Variants in PDZD2 observed in about 807,000 individuals in gnomAD.
The protein encoded by PDZD2 is PDZ domain-containing protein 2.
A neutral mutation model predicts 220.7 loss-of-function variants in PDZD2; 90 were observed. That is an observed-to-expected ratio of 0.41 (90% CI 0.34 to 0.49). The LOEUF (loss-of-function observed/expected upper bound fraction) is 0.49. PDZD2 is among the 20% of genes least tolerant of loss of function. PDZD2 has a pLI of 0.28. For synonymous variants in PDZD2, 1,375 were observed against 1,450.5 expected, an observed-to-expected ratio of 0.95 and a Z score of 1.18; for missense variants, 3,174 against 3,608.5, an observed-to-expected ratio of 0.88 and a Z score of 3.08.
chr5:32,099,945 C>G (rs1486034144), intron 23 of PDZD2: 1 of 152,294 alleles, frequency 6.6e-6, no homozygotes, highest in Non-Finnish European at 1.5e-5. Context: ...CTGACAGCGT[C>G]CAGCTGGGGG....
intron 19 of PDZD2, chr5:32,077,863 A>G (rs2112421456): frequency 5.2e-6 from 2 of 387,830 alleles, no homozygotes; most frequent in Non-Finnish European, 9.8e-6. Flanking sequence ...AGGCTGAGGC[A>G]GGAGAATCGC....
intron 2 of PDZD2, among the ~76,000 whole-genome samples, chr5:31,911,930 TCA>T (rs558771171): frequency 7.6e-4 from 116 of 152,226 alleles, no homozygotes; most frequent in African/African-American, 2.6e-3. Flanking sequence ...AGAAATAAGC[TCA>T]CACGCCTGCA....
chr5:31,885,168 A>G (rs1385818926), intron 2 of PDZD2, among the ~76,000 whole-genome samples: 5 of 151,762 alleles, frequency 3.3e-5, no homozygotes, highest in Admixed American at 1.3e-4. Context: ...CAAAAAAAAA[A>G]AAAAAGAAAA....
At chr5:32,061,239 A>G (rs1481700376) in intron 14 of PDZD2, 105 bp downstream of exon 14, 4 of 1,030,886 alleles carry the variant, frequency 3.9e-6, no homozygotes, top group Non-Finnish European at 5.8e-6. Context: ...TAGGCAGGCA[A>G]CCTACGGGTG....
At chr5:31,873,351 C>G (rs1362663013) in intron 2 of PDZD2, among the ~76,000 whole-genome samples, 2 of 151,548 alleles carry the variant, frequency 1.3e-5, no homozygotes, top group African/African-American at 4.9e-5. Context: ...GGAGGATTAC[C>G]TGAGCCCAGG....
chr5:31,775,336 G>GAAA (rs79039272), intron 1 of PDZD2, among the ~76,000 whole-genome samples: 3,547 of 139,156 alleles, frequency 0.025, 128 homozygotes, highest in African/African-American at 0.086. Context: ...AGATGTAATT[G>GAAA]AAAAAAAAAA....
At chr5:31,959,596 C>T (rs1193718657) in intron 2 of PDZD2, among the ~76,000 whole-genome samples, 2 of 152,028 alleles carry the variant, frequency 1.3e-5, no homozygotes, top group African/African-American at 4.8e-5. Context: ...GAGATCTTCC[C>T]ACCTCGACCT....
At chr5:31,650,908 C>T (rs16899780) in intron 1 of PDZD2, among the ~76,000 whole-genome samples, 92,217 of 152,038 alleles carry the variant, frequency 0.61, 30,541 homozygotes, top group Non-Finnish European at 0.74. Flanking sequence ...TGGCTATTAG[C>T]GAGAACCTCT....
chr5:31,775,474 T>C (rs1327572675), intron 1 of PDZD2, among the ~76,000 whole-genome samples: 2 of 152,184 alleles, frequency 1.3e-5, no homozygotes, highest in Non-Finnish European at 2.9e-5. Flanking sequence ...AGCTCAGTTC[T>C]ATACTTGTCA....
intron 19 of PDZD2, among the ~76,000 whole-genome samples, chr5:32,078,390 G>C (rs1477297516): frequency 6.6e-6 from 1 of 152,114 alleles, no homozygotes. Flanking sequence ...CCAGCACTTT[G>C]GGAAGCTGAG....
At chr5:31,988,937 C>T (rs930924472) in intron 3 of PDZD2, among the ~76,000 whole-genome samples, 10 of 152,204 alleles carry the variant, frequency 6.6e-5, no homozygotes, top group African/African-American at 9.6e-5. Context: ...ATCTCCTCTT[C>T]GGTCTCCTGC....
Position 32,088,917 on chromosome 5 carries a change from T to A in PDZD2, c.5469T>A (p.Pro1823=). 2 of 1,613,408 alleles carry A rather than the reference T, an allele frequency of 1.2e-6. No individual in the cohort carries two copies. The highest frequency in any genetic ancestry group is 1.7e-6 in the Non-Finnish European group (2 of 1,179,866). The change falls in exon 20 of 25, where the codon CCT becomes CCA. Residue 1823 remains proline, a synonymous_variant. Transcript: ENST00000438447. This position sits in a 1 kb window ranked among gnomAD's most constrained non-coding sequence, Gnocchi z 4.6. ...GGAGCAAAACCGAGAAGGAACAACCTCTAATGCCTGCCAGAAGTCCCGACT... is the reference window on the plus strand; with the variant it reads ...GGAGCAAAACCGAGAAGGAACAACCACTAATGCCTGCCAGAAGTCCCGACT... ...HLRSKTEKEQ[P]LMPARSPDSK... is the part of the protein sequence containing the mutation.
At chr5:31,836,228 C>CTCT (rs367599713) in intron 2 of PDZD2, among the ~76,000 whole-genome samples, 1 of 122,172 alleles carries the variant, frequency 8.2e-6, no homozygotes, top group Non-Finnish European at 1.6e-5. Context: ...ATTTTATTGG[C>CTCT]TTTTTTTTTT....
chr5:32,045,507 C>T (rs1205449505), intron 7 of PDZD2, among the ~76,000 whole-genome samples: 1 of 151,546 alleles, frequency 6.6e-6, no homozygotes, highest in Non-Finnish European at 1.5e-5. Context: ...CTGCAACCTC[C>T]CCTTCTGGAT....
At position 31,976,034 on chromosome 5, in the gene PDZD2, A is replaced by T. The variant is rs80098924; in HGVS notation, c.477-7121A>T. Among the ~76,000 whole-genome samples the T allele has an allele frequency of 5.2e-3, 785 of 152,034 alleles. 5 individuals are homozygous for T. The highest frequency in any genetic ancestry group is 0.019 in the African/African-American group (770 of 41,466). On this transcript the variant is annotated intron_variant, in intron 2 of 24. Transcript: ENST00000438447. ...GGGATATCAGCCACTCTTACTAGAC[A>T]GTATTCAGCCAAAAAAATTCCACCT...
At chr5:32,107,069 A>T (rs1211475202) in intron 24 of PDZD2, among the ~76,000 whole-genome samples, 1 of 152,186 alleles carries the variant, frequency 6.6e-6, no homozygotes, top group African/African-American at 2.4e-5. Flanking sequence ...GTCTAATCAA[A>T]ATTTCTGAGA....
intron 2 of PDZD2, among the ~76,000 whole-genome samples, chr5:31,982,021 A>G (rs1169245325): frequency 1.3e-5 from 2 of 152,154 alleles, no homozygotes; most frequent in African/African-American, 2.4e-5. Flanking sequence ...GCCCTCACAT[A>G]TATGAAAAAG....
At chr5:31,706,041 G>C (rs983208519) in intron 1 of PDZD2, among the ~76,000 whole-genome samples, 1 of 152,172 alleles carries the variant, frequency 6.6e-6, no homozygotes, top group Non-Finnish European at 1.5e-5. Flanking sequence ...CACAGAGCGA[G>C]ACTCCATCTC....
In PDZD2 at chr5:31,685,162, G is replaced by A. The variant is rs145503158; in HGVS notation, c.-361+45725G>A. ...AGAGCAGGCGTTCTCTGCCCTACCC[G>A]CTTGACCCCCTTCTCTTTCCTAATT... On this transcript the variant is annotated intron_variant, in intron 1 of 24. Transcript: ENST00000438447. Among the ~76,000 whole-genome samples the A allele has an allele frequency of 3.4e-3, 513 of 151,968 alleles. 1 individual carries two copies. Among genetic ancestry groups the A allele is most frequent in the African/African-American group, 0.012 (497 of 41,460 alleles).
Sources: allele counts gnomAD v4.1 joint callset (sites outside exome capture counted in the v4.1 genomes callset), GRCh38; gene constraint gnomAD v4.1.1; non-coding constraint Gnocchi (gnomAD v3.1); transcripts MANE v1.5; gene names NCBI Gene and HGNC (gene_info 2026-07-23, HGNC 2026-07-21).